GAPVD1: variants seen among roughly 807,000 people sequenced by gnomAD.
GAPVD1 encodes the protein GTPase activating protein and VPS9 domains 1, also known as GTPase-activating protein and VPS9 domain-containing protein 1.
GAPVD1 carries 35 observed loss-of-function variants against 155.5 expected under a neutral mutation model. The ratio of observed to expected loss-of-function variants is 0.23; its 90% confidence interval spans 0.17 to 0.30. GAPVD1 has a LOEUF of 0.30. Among genes scored for constraint, GAPVD1 ranks in the 10% least tolerant of loss-of-function variants. The probability of loss-of-function intolerance (pLI) is 1.00; values close to 1 mark genes in which losing one functional copy is unlikely to be tolerated. For missense variants in GAPVD1, 1,429 were observed against 1,775.7 expected, an observed-to-expected ratio of 0.80 and a Z score of 3.51; for synonymous variants, 636 against 619.7, an observed-to-expected ratio of 1.03 and a Z score of -0.39.
intron 10 of GAPVD1, among the ~76,000 whole-genome samples, chr9:125,322,113 G>A (rs549253273): frequency 2.0e-5 from 3 of 152,020 alleles, no homozygotes; most frequent in African/African-American, 7.2e-5. Context: ...TGCCCAGGCT[G>A]GAGTGCAGTG....
intron 9 of GAPVD1, among the ~76,000 whole-genome samples, chr9:125,313,320 T>C (rs1346116945): frequency 1.3e-5 from 2 of 151,084 alleles, no homozygotes; most frequent in African/African-American, 2.4e-5. Flanking sequence ...TTTTTTTTTT[T>C]TGAGACAGAG....
chr9:125,263,801 C>G (rs768443431), intron 1 of GAPVD1: 9 of 1,039,384 alleles, frequency 8.7e-6, no homozygotes, highest in South Asian at 1.3e-5. Flanking sequence ...TGAGGCCTGC[C>G]GGTCTCTGGA....
chr9:125,336,046 A>G (rs1846885507), intron 15 of GAPVD1, among the ~76,000 whole-genome samples: 1 of 151,506 alleles, frequency 6.6e-6, no homozygotes, highest in Non-Finnish European at 1.5e-5. Context: ...TTGGGAGGCT[A>G]AGGCAGGAGG....
At chr9:125,359,766 A>G (rs1850656237) in intron 26 of GAPVD1, 1 of 353,940 alleles carries the variant, frequency 2.8e-6, no homozygotes, top group Non-Finnish European at 5.1e-6. Flanking sequence ...CCTCTCCATC[A>G]GTGCTTTTAT....
At chr9:125,270,443 A>G (rs1378326100) in intron 2 of GAPVD1, among the ~76,000 whole-genome samples, 1 of 152,084 alleles carries the variant, frequency 6.6e-6, no homozygotes, top group African/African-American at 2.4e-5. Context: ...AAACAAAAAC[A>G]AAAGAATCTT....
intron 9 of GAPVD1, among the ~76,000 whole-genome samples, chr9:125,314,422 G>A (rs1024613386): frequency 1.3e-5 from 2 of 152,100 alleles, no homozygotes; most frequent in Non-Finnish European, 2.9e-5. Flanking sequence ...TTGGGAGGCC[G>A]AGGTGGGTGG....
In GAPVD1 at chr9:125,312,630, C is replaced by G; in HGVS notation, c.1602+18C>G. On this transcript the variant is annotated intron_variant, in intron 9 of 27. Coordinates refer to ENST00000297933, the MANE Select transcript of GAPVD1 (RefSeq NM_001282680.3). ...AAAATGAGGTATGAATCAGTTGCTT[C>G]TATAAATCAATATTCATGTCTTAGT... The G allele has an allele frequency of 6.4e-7, 1 of 1,560,022 alleles. No homozygotes were observed. Among genetic ancestry groups the G allele is most frequent in the Middle Eastern group, 1.7e-4 (1 of 5,834 alleles).
intron 9 of GAPVD1, among the ~76,000 whole-genome samples, chr9:125,319,888 G>A (rs371902192): frequency 7.9e-5 from 12 of 151,912 alleles, no homozygotes; most frequent in African/African-American, 2.4e-4. Flanking sequence ...AGCCGCCACC[G>A]CTCCCAGCCA....
At chr9:125,305,908 A>C (rs1278043402) in intron 6 of GAPVD1, among the ~76,000 whole-genome samples, 1 of 151,910 alleles carries the variant, frequency 6.6e-6, no homozygotes, top group Non-Finnish European at 1.5e-5. Flanking sequence ...CTGCCTCAGC[A>C]TTCCAGCGTG....
intron 12 of GAPVD1, 82 bp from the exon 13 acceptor site, chr9:125,329,996 G>A: frequency 1.3e-5 from 15 of 1,142,984 alleles, no homozygotes; most frequent in Non-Finnish European, 1.7e-5. Flanking sequence ...GATTTTGTTA[G>A]CTAGTGTTTG....
chr9:125,335,347 G>T, intron 15 of GAPVD1: 5 of 502,908 alleles, frequency 9.9e-6, no homozygotes, highest in Non-Finnish European at 1.1e-5. Context: ...TATTTTTAAT[G>T]CTTTTTTGTG....
chr9:125,310,084 G>A (rs1842444813), intron 8 of GAPVD1: 1 of 270,446 alleles, frequency 3.7e-6, no homozygotes, highest in Non-Finnish European at 8.1e-6. Flanking sequence ...TGCTCCATGT[G>A]CATGTTGCTT....
rs1182143419 is a variant in GAPVD1, at chr9:125,367,191, CA to C, written c.*4446del. 1 of 152,148 alleles carries C rather than the reference CA, an allele frequency of 6.6e-6. No homozygotes were observed. Among genetic ancestry groups the C allele is most frequent in the Non-Finnish European group, 1.5e-5 (1 of 68,046 alleles). The allele number at this position is 152,148 out of a possible 1,614,324, so 9.4% of individuals were successfully genotyped here. ...TATAAAACTGATTAAAAGGGGAGAG[CA>C]GTTTGATTCACAGGGTTTTATGTTT... On this transcript the variant is annotated 3_prime_UTR_variant, in exon 28 of 28. Coordinates refer to ENST00000297933, the MANE Select transcript of GAPVD1 (RefSeq NM_001282680.3).
At chr9:125,317,233 G>A (rs1003813528) in intron 9 of GAPVD1, among the ~76,000 whole-genome samples, 2 of 151,684 alleles carry the variant, frequency 1.3e-5, no homozygotes, top group Non-Finnish European at 2.9e-5. Context: ...CAGGAGAATC[G>A]CTTGAACCTG....
chr9:125,355,479 A>T lies in GAPVD1; in HGVS notation c.3758-165A>T, dbSNP rs868654742. On this transcript the variant is annotated intron_variant, in intron 24 of 27. Transcript: ENST00000297933. The stretch of plus-strand genomic sequence containing the variant: ...TCTTGCTTTTTCTCCTGATTTAATT[A>T]TATGGCTACATATTGTCCTAAAATA... 3.3e-5 allele frequency among the ~76,000 whole-genome samples: 5 copies of T among 152,312 alleles called. No homozygotes were observed. In the Middle Eastern group the frequency reaches 0.014, roughly 414 times the overall value.
chr9:125,354,619 A>G (rs1258704399), intron 23 of GAPVD1, 35 bp from the exon 24 acceptor site: 8 of 1,400,416 alleles, frequency 5.7e-6, no homozygotes, highest in Non-Finnish European at 6.1e-6. Flanking sequence ...TGCACTGAAT[A>G]TATCTGATGT....
At chr9:125,281,023 T>C (rs1836706354) in intron 2 of GAPVD1, among the ~76,000 whole-genome samples, 1 of 152,220 alleles carries the variant, frequency 6.6e-6, no homozygotes, top group Non-Finnish European at 1.5e-5. Flanking sequence ...AATATAGCTA[T>C]GGAAATTTTG....
chr9:125,332,591 A>G lies in GAPVD1; in HGVS notation c.2390A>G (p.Asp797Gly), dbSNP rs778837587. The G allele has an allele frequency of 1.3e-5, 21 of 1,610,480 alleles. No homozygotes were observed. The highest frequency in any genetic ancestry group is 3.4e-5 in the Admixed American group (2 of 59,620). Residue 797 changes from aspartate (D) to glycine (G), a missense_variant, in exon 15 of 28, where the codon GAT becomes GGT. Physicochemically the swap from Asp to Gly is moderately conservative, Grantham distance 94. Transcript: ENST00000297933. ...TGCAGCTCTGATTTTGGGGGTAAAG[A>G]TTCTGTCACTAGTCCAGACATGGAT... ...SECSSDFGGK[D>G]SVTSPDMDEI...
At position 125,303,009 on chromosome 9, in the gene GAPVD1, C is replaced by A. The variant is rs79020498; in HGVS notation, c.1029+183C>A. Among the ~76,000 whole-genome samples the A allele has an allele frequency of 2.1e-3, 324 of 152,142 alleles. 11 individuals are homozygous for A. The East Asian group carries it at 0.048, about 23-fold the overall frequency. ...GTAATACTGGGATTTAAAATTATTGCGGTCACAAAACATTTTGTCTTTGTC... is the reference window on the plus strand; with the variant it reads ...GTAATACTGGGATTTAAAATTATTGAGGTCACAAAACATTTTGTCTTTGTC... On this transcript the variant is annotated intron_variant, in intron 5 of 27. Transcript: ENST00000297933.
Sources: gnomAD v4.1 joint callset for allele counts (sites outside exome capture counted in the v4.1 genomes callset) on GRCh38, gnomAD v4.1.1 for gene constraint, MANE v1.5 for transcripts, NCBI Gene and HGNC (gene_info 2026-07-23, HGNC 2026-07-21) for gene names.